The following MTMR9 variants were observed in gnomAD, a reference collection of about 807,000 sequenced individuals.
MTMR9 encodes myotubularin related protein 9.
In MTMR9, 39 loss-of-function variants were observed where a neutral mutation model predicts 69.5. That is an observed-to-expected ratio of 0.56 (90% CI 0.43 to 0.73). MTMR9 has a LOEUF of 0.73. Among genes scored for constraint, MTMR9 ranks in the 30% least tolerant of loss-of-function variants. MTMR9 has a pLI of 0.00. For missense variants in MTMR9, 900 were observed against 671.2 expected (o/e 1.34, Z -3.77); for synonymous variants, 354 against 240.8 (o/e 1.47, Z -4.35).
At chr8:11,332,224 T>C (rs2117503144), downstream of MTMR9, 1 of 1,482,704 alleles carries the variant, frequency 6.7e-7, no homozygotes, top group South Asian at 1.4e-5. Context: ...TTATAATAAA[T>C]CCTAGGAAAG....
At chr8:11,318,997 G>A (rs966460667) in intron 8 of MTMR9, 5 of 151,908 alleles carry the variant, frequency 3.3e-5, no homozygotes, top group Admixed American at 1.3e-4. Flanking sequence ...TATACTGCTC[G>A]GATGATGGGT....
At chr8:11,335,912 T>G in the MTMR9 span, among the ~76,000 whole-genome samples, 13 of 152,216 alleles carry the variant, frequency 8.5e-5, no homozygotes, top group Non-Finnish European at 2.9e-5. Flanking sequence ...AAGGTTATGT[T>G]CTGGGAGTTA....
chr8:11,338,935 C>T, the MTMR9 span, among the ~76,000 whole-genome samples: 1 of 152,170 alleles, frequency 6.6e-6, no homozygotes, highest in African/African-American at 2.4e-5. Context: ...CTTTTGAGGG[C>T]TGTTAGATAT....
chr8:11,329,132 A>C (rs987310894), downstream of MTMR9, among the ~76,000 whole-genome samples: 1 of 152,156 alleles, frequency 6.6e-6, no homozygotes, highest in Non-Finnish European at 1.5e-5. Context: ...CCATTGGTGT[A>C]TATGTCTGTG....
chr8:11,306,107 CT>C (rs1799928413), intron 4 of MTMR9, 82 bp from the exon 5 acceptor site: 1 of 1,188,058 alleles, frequency 8.4e-7, no homozygotes. Flanking sequence ...TTTTGAGATA[CT>C]CTTAATCTAG....
At chr8:11,295,087 G>A (rs1030376659) in intron 1 of MTMR9, 107 bp from the exon 2 acceptor site, 3 of 620,966 alleles carry the variant, frequency 4.8e-6, no homozygotes, top group South Asian at 4.7e-5. Context: ...GGAGAAGAAA[G>A]TTAATATAGA....
rs755153057 is a variant in MTMR9, at chr8:11,285,948, C to CTTTTTTTTTTTTT, written c.182+888_182+900dup. Among the ~76,000 whole-genome samples the CTTTTTTTTTTTTT allele has an allele frequency of 4.1e-4, 44 of 107,090 alleles. 1 individual carries two copies. The highest frequency in any genetic ancestry group is 5.0e-4 in the Admixed American group (5 of 9,926). The allele number at this position is 107,090 out of a possible 152,430, so 70.3% of individuals were successfully genotyped here. A position where few individuals can be genotyped will look rare whatever the true frequency, so the allele number is the denominator to read the frequency against. On this transcript the variant is annotated intron_variant, in intron 1 of 9. Coordinates refer to ENST00000221086, the MANE Select transcript of MTMR9 (RefSeq NM_015458.4). ...AAAATAATAATCTCTTTCTTTCTTT[C>CTTTTTTTTTTTTT]TTTTTTTTTTTTTTTTTTTTTTGGA...
chr8:11,306,246 G>T lies in MTMR9; in HGVS notation c.648G>T (p.Glu216Asp). The change falls in exon 5 of 10, where the codon GAG (glutamate) becomes GAT (aspartate). Residue 216 changes from glutamate to aspartate, a missense_variant. Coordinates refer to ENST00000221086, the MANE Select transcript of MTMR9 (RefSeq NM_015458.4). Reference sequence around the variant, plus strand: ...GTACAAACGGGAGGAGGTGCAAGGAGGACGAGAAGCTGATAAATGCTACCC... The same window carrying T: ...GTACAAACGGGAGGAGGTGCAAGGATGACGAGAAGCTGATAAATGCTACCC... ...LTGTNGRRCKEDEKLINATLR... is the reference protein window; with the variant it reads ...LTGTNGRRCKDDEKLINATLR... 6.2e-7 allele frequency: 1 copy of T among 1,613,834 alleles called. No homozygotes were observed. Among genetic ancestry groups the T allele is most frequent in the Non-Finnish European group, 8.5e-7 (1 of 1,179,942 alleles).
rs1246004756 is a variant in MTMR9, at chr8:11,285,969, TTG to T, written c.182+900_182+901del. On this transcript the variant is annotated intron_variant, in intron 1 of 9. Transcript: ENST00000221086. ...CTTTCTTTTTTTTTTTTTTTTTTTTTTGGAGACGAAATCTCACTGTATTGCCC... is the reference window on the plus strand; with the variant it reads ...CTTTCTTTTTTTTTTTTTTTTTTTTTGAGACGAAATCTCACTGTATTGCCC... Among the ~76,000 whole-genome samples the T allele has an allele frequency of 4.7e-3, 684 of 145,062 alleles. 7 individuals carry two copies. The highest frequency in any genetic ancestry group is 0.016 in the African/African-American group (617 of 38,290).
downstream of MTMR9, among the ~76,000 whole-genome samples, chr8:11,333,121 T>C (rs1321310828): frequency 2.0e-5 from 3 of 152,176 alleles, no homozygotes; most frequent in African/African-American, 7.2e-5. Context: ...ATCCCAGATT[T>C]GATGAAAGAC....
downstream of MTMR9, among the ~76,000 whole-genome samples, chr8:11,328,344 C>CGTGTGTGTGTGT (rs151066674): frequency 4.4e-3 from 396 of 90,990 alleles, 1 homozygote; most frequent in African/African-American, 9.9e-3. Context: ...TTTAATACCA[C>CGTGTGTGTGTGT]GTGTGTGTGT....
chr8:11,322,551 C>A, intron 9 of MTMR9, 74 bp from the exon 10 acceptor site: 2 of 1,265,952 alleles, frequency 1.6e-6, no homozygotes, highest in African/African-American at 1.5e-5. Flanking sequence ...TAAATTACAT[C>A]TTATCCACAA....
rs557530768 is a variant in MTMR9, at chr8:11,309,706, G to T, written c.971+18G>T. On this transcript the variant is annotated intron_variant, in intron 6 of 9. Transcript: ENST00000221086. ...ATCGACAGGTAAAGTGCATTTCAGC[G>T]TTCCTGAGCGAAACATGGCGCTGCT... is the stretch of plus-strand genomic sequence containing the variant. 44 of 1,610,942 alleles carry T rather than the reference G, an allele frequency of 2.7e-5. 1 individual carries two copies. In the South Asian group the frequency reaches 4.5e-4, roughly 17 times the overall value.
intron 9 of MTMR9, chr8:11,320,387 A>G (rs1228606659): frequency 1.3e-5 from 2 of 152,376 alleles, no homozygotes; most frequent in South Asian, 2.1e-4. Flanking sequence ...GATTTTTCCA[A>G]CTATTGAAGC....
chr8:11,313,147 C>T (rs183026098), intron 6 of MTMR9, among the ~76,000 whole-genome samples: 109 of 152,280 alleles, frequency 7.2e-4, no homozygotes, highest in Middle Eastern at 3.4e-3. Context: ...TGCATTTTTT[C>T]GCTGACAAGA....
chr8:11,284,880 C>CGG lies in MTMR9; in HGVS notation c.-5_-4dup, dbSNP rs3021505. 1.3e-6 allele frequency: 2 copies of CGG among 1,589,396 alleles called. No individual in the cohort carries two copies. Among genetic ancestry groups the CGG allele is most frequent in the East Asian group, 2.3e-5 (1 of 42,688 alleles). ...GGGCTCGGTTCCCTGGCTCCGGCCG[C>CGG]GGGGGAGCATGGAGTTTGCGGAGCT... On this transcript the variant is annotated 5_prime_UTR_variant, in exon 1 of 10. Coordinates refer to ENST00000221086, the MANE Select transcript of MTMR9 (RefSeq NM_015458.4).
chr8:11,334,116 C>T, the MTMR9 span, among the ~76,000 whole-genome samples: 1 of 152,196 alleles, frequency 6.6e-6, no homozygotes, highest in East Asian at 1.9e-4. Context: ...GCACCATGCT[C>T]TTGGACTTCC....
rs888590610 is a variant in MTMR9, at chr8:11,306,527, A to T, written c.809+120A>T. On this transcript the variant is annotated intron_variant, in intron 5 of 9. Transcript: ENST00000221086. ...CTTCTGCATTAATTTAGGGTCAATGATGGGCTAGCCATCTTCTCATTTTTT... is the reference window on the plus strand; with the variant it reads ...CTTCTGCATTAATTTAGGGTCAATGTTGGGCTAGCCATCTTCTCATTTTTT... 99 of 828,796 alleles carry T rather than the reference A, an allele frequency of 1.2e-4. 1 individual carries two copies. Among genetic ancestry groups the T allele is most frequent in the Admixed American group, 5.3e-4 (20 of 37,616 alleles). 51.3% of individuals were successfully genotyped at this position (828,796 alleles called of 1,614,324 possible). A position where few individuals can be genotyped will look rare whatever the true frequency, so the allele number is the denominator to read the frequency against.
intron 7 of MTMR9, 49 bp from the exon 8 acceptor site, chr8:11,316,624 C>T (rs1800426167): frequency 1.6e-6 from 2 of 1,288,516 alleles, no homozygotes; most frequent in Non-Finnish European, 2.1e-6. Context: ...AATGCTCTGT[C>T]ATGTGATCTC....
Sources: allele counts gnomAD v4.1 joint callset (sites outside exome capture counted in the v4.1 genomes callset), GRCh38; gene constraint gnomAD v4.1.1; transcripts MANE v1.5; gene names NCBI Gene and HGNC (gene_info 2026-07-23, HGNC 2026-07-21).